ARID1B: variants seen among roughly 807,000 people sequenced by gnomAD.
ARID1B encodes AT-rich interactive domain-containing protein 1B.
In ARID1B, 30 loss-of-function variants were observed where a neutral mutation model predicts 212.3. The observed-to-expected ratio is 0.14, with a 90% CI of 0.11 to 0.19. The LOEUF is 0.19. Ranked by LOEUF, ARID1B falls within the 10% of genes least tolerant of loss-of-function variation. The pLI is 1.00. For missense variants in ARID1B, 2,891 were observed against 3,204.0 expected (o/e 0.90, Z 2.36); for synonymous variants, 1,402 against 1,301.7 (o/e 1.08, Z -1.66).
intron 4 of ARID1B, among the ~76,000 whole-genome samples, chr6:157,078,596 T>C (rs1452635684): frequency 1.3e-5 from 2 of 152,208 alleles, no homozygotes; most frequent in Non-Finnish European, 2.9e-5. Flanking sequence ...CCTTTTATGA[T>C]GCATATTTCA....
At chr6:156,982,963 T>C (rs1777694979) in intron 4 of ARID1B, among the ~76,000 whole-genome samples, 1 of 152,008 alleles carries the variant, frequency 6.6e-6, no homozygotes, top group Admixed American at 6.6e-5. Context: ...TTGGTAGTGG[T>C]GCGTGCCTGT....
chr6:157,167,984 A>T (rs1791449508), intron 9 of ARID1B: 1 of 152,208 alleles, frequency 6.6e-6, no homozygotes. Flanking sequence ...TCACGGGAGG[A>T]TTCCCTCCTT....
chr6:157,010,279 T>G (rs1449582339), intron 4 of ARID1B, among the ~76,000 whole-genome samples: 2 of 15,084 alleles, frequency 1.3e-4, no homozygotes, highest in African/African-American at 4.5e-4. Context: ...GCATTGCCTG[T>G]TTTTTTTTTT....
intron 2 of ARID1B, among the ~76,000 whole-genome samples, chr6:156,844,152 C>T (rs1312868208): frequency 6.6e-6 from 1 of 152,196 alleles, no homozygotes; most frequent in East Asian, 1.9e-4. Context: ...TTCTTGCTTC[C>T]AAATTTTCCT....
chr6:156,827,879 G>A (rs1782861202), intron 1 of ARID1B, among the ~76,000 whole-genome samples: 1 of 143,924 alleles, frequency 6.9e-6, no homozygotes, highest in Non-Finnish European at 1.5e-5. Flanking sequence ...TCCTGCCTCA[G>A]CCTCCGGAGT....
chr6:156,857,596 C>T lies in ARID1B; in HGVS notation c.1986+28175C>T, dbSNP rs1167306852. Among the ~76,000 whole-genome samples the T allele has an allele frequency of 2.0e-5, 3 of 152,336 alleles. No individual in the cohort carries two copies. The East Asian group carries it at 5.8e-4, about 29-fold the overall frequency. ...CCATGACCAAGGTGCTGGCCACCTA[C>T]TCTGGAACTACTTTGATTTTTTGTT... On this transcript the variant is annotated intron_variant, in intron 2 of 19. Transcript: ENST00000636930.
At chr6:157,175,445 A>G (rs17165219) in intron 11 of ARID1B, 1 of 152,170 alleles carries the variant, frequency 6.6e-6, no homozygotes, top group African/African-American at 2.4e-5. Flanking sequence ...TATCTATTTC[A>G]AAACTGCCTA....
At chr6:156,931,112 A>G (rs1048119231) in intron 3 of ARID1B, among the ~76,000 whole-genome samples, 1 of 149,308 alleles carries the variant, frequency 6.7e-6, no homozygotes, top group South Asian at 2.1e-4. Context: ...ATCTCTTGAA[A>G]CCGGGAGGCA....
intron 15 of ARID1B, chr6:157,194,408 A>G (rs1264906162): frequency 6.6e-6 from 1 of 152,248 alleles, no homozygotes; most frequent in Non-Finnish European, 1.5e-5. Flanking sequence ...AACAAAATGT[A>G]TCTACTCATG....
chr6:157,121,073 G>A (rs1787677973), intron 6 of ARID1B, among the ~76,000 whole-genome samples: 2 of 152,336 alleles, frequency 1.3e-5, no homozygotes, highest in South Asian at 4.1e-4. Context: ...GTCCCATGAA[G>A]AGGAAAAGAA....
At chr6:157,114,596 A>ATTGCT (rs994155424) in intron 6 of ARID1B, among the ~76,000 whole-genome samples, 23 of 150,900 alleles carry the variant, frequency 1.5e-4, no homozygotes, top group Non-Finnish European at 2.7e-4. Flanking sequence ...AGGTAATGAC[A>ATTGCT]TTGCTTCTGT....
intron 4 of ARID1B, among the ~76,000 whole-genome samples, chr6:156,974,198 A>G (rs1562521510): frequency 6.6e-6 from 1 of 152,158 alleles, no homozygotes; most frequent in African/African-American, 2.4e-5. Flanking sequence ...AAGATGTGCA[A>G]TTTAAACAAG....
At chr6:157,176,802 C>T (rs1384144545) in intron 11 of ARID1B, among the ~76,000 whole-genome samples, 2 of 152,026 alleles carry the variant, frequency 1.3e-5, no homozygotes, top group East Asian at 3.8e-4. Flanking sequence ...GCCGAGATCG[C>T]GCCACTGCAC....
At chr6:156,905,930 G>A (rs1399784876) in intron 3 of ARID1B, among the ~76,000 whole-genome samples, 1 of 152,206 alleles carries the variant, frequency 6.6e-6, no homozygotes, top group Admixed American at 6.5e-5. Flanking sequence ...ACACACAGAA[G>A]CACTTTACTT....
At position 157,206,535 on chromosome 6, in the gene ARID1B, T is replaced by C. The variant is rs1456409388; in HGVS notation, c.5763T>C (p.Phe1921=). The C allele has an allele frequency of 1.9e-6, 3 of 1,613,934 alleles. No homozygotes were observed. Among genetic ancestry groups the C allele is most frequent in the Non-Finnish European group, 2.5e-6 (3 of 1,180,020 alleles). ...AGATAGTCAAAAAGAACAACCTGTT[T>C]GTTGTTGACCGATCTGACAAGTTGG... The part of the protein sequence containing the change: ...PIKIVKKNNL[F]VVDRSDKLGR... The change falls in exon 20 of 20, where the codon TTT becomes TTC. Residue 1921 remains phenylalanine (F), a synonymous_variant. Transcript: ENST00000636930. This position sits in a 1 kb window ranked among gnomAD's most constrained non-coding sequence, Gnocchi z 6.8.
Position 156,909,227 on chromosome 6 carries a change from G to A in ARID1B, c.2136+7702G>A, listed in dbSNP as rs148727152. Among the ~76,000 whole-genome samples the A allele has an allele frequency of 5.5e-3, 786 of 144,032 alleles. 6 individuals are homozygous for A. Among genetic ancestry groups the A allele is most frequent in the African/African-American group, 0.019 (727 of 38,200 alleles). The allele number at this position is 144,032 out of a possible 152,430, so 94.5% of individuals were successfully genotyped here. A position where few individuals can be genotyped will look rare whatever the true frequency, so the allele number is the denominator to read the frequency against. ...TGCGGCATCTGCCTCCTGAATTCAA[G>A]CAATTCTCCTGCCTCAGCCCTGTGA... On this transcript the variant is annotated intron_variant, in intron 3 of 19. Coordinates refer to ENST00000636930, the MANE Select transcript of ARID1B (RefSeq NM_001374828.1).
At chr6:157,140,340 C>T (rs913266041) in intron 7 of ARID1B, among the ~76,000 whole-genome samples, 4 of 151,912 alleles carry the variant, frequency 2.6e-5, no homozygotes, top group Non-Finnish European at 5.9e-5. Context: ...TGTGGTGGCA[C>T]GCGCCTGTAA....
At chr6:157,037,481 T>G (rs984492562) in intron 4 of ARID1B, among the ~76,000 whole-genome samples, 2 of 152,046 alleles carry the variant, frequency 1.3e-5, no homozygotes, top group African/African-American at 4.8e-5. Flanking sequence ...GGGCTGAGTT[T>G]TGAGGGCTTA....
intron 5 of ARID1B, among the ~76,000 whole-genome samples, chr6:157,090,651 A>G (rs1785217653): frequency 6.6e-6 from 1 of 152,258 alleles, no homozygotes; most frequent in African/African-American, 2.4e-5. Context: ...CAAATATGAA[A>G]GTAGAACCCT....
Sources: gnomAD v4.1 joint callset for allele counts (sites outside exome capture counted in the v4.1 genomes callset) on GRCh38, gnomAD v4.1.1 for gene constraint, Gnocchi (gnomAD v3.1) non-coding constraint, MANE v1.5 for transcripts, NCBI Gene and HGNC (gene_info 2026-07-23, HGNC 2026-07-21) for gene names.